FAM131B: variants seen among roughly 807,000 people sequenced by gnomAD.
The protein encoded by FAM131B is protein FAM131B.
A neutral mutation model predicts 42.0 loss-of-function variants in FAM131B; 19 were observed. That is an observed-to-expected ratio of 0.45 (90% CI 0.32 to 0.66). FAM131B has a LOEUF of 0.66. Ranked by LOEUF, FAM131B falls within the 30% of genes least tolerant of loss-of-function variation. FAM131B has a pLI of 0.05. For missense variants in FAM131B, 370 were observed against 468.4 expected (o/e 0.79, Z 1.94); for synonymous variants, 183 against 177.6 (o/e 1.03, Z -0.24).
upstream of FAM131B, chr7:143,364,018 G>A (rs2116495845): frequency 6.6e-6 from 1 of 152,328 alleles, no homozygotes; most frequent in South Asian, 2.1e-4. Flanking sequence ...TCCATCTTCG[G>A]TGTATGTGCA....
the FAM131B span, among the ~76,000 whole-genome samples, chr7:143,373,526 A>C: frequency 6.6e-6 from 1 of 152,206 alleles, no homozygotes; most frequent in African/African-American, 2.4e-5. Context: ...TCAAAGAGAT[A>C]TCTGTTCCAC....
In FAM131B at chr7:143,356,479, G is replaced by T; in HGVS notation, c.*71C>A. Reference sequence around the variant, plus strand: ...TGCCCAGTTTCAGCTGTACTGCTGGGGGGAGGGAGGGTATGGGTCACAGCC... The same window carrying T: ...TGCCCAGTTTCAGCTGTACTGCTGGTGGGAGGGAGGGTATGGGTCACAGCC... On this transcript the variant is annotated 3_prime_UTR_variant, in exon 7 of 7. Coordinates refer to ENST00000443739, the MANE Select transcript of FAM131B (RefSeq NM_001031690.3). This position sits in a 1 kb window ranked among gnomAD's most constrained non-coding sequence, Gnocchi z 4.4. 1 of 1,149,872 alleles carries T rather than the reference G, an allele frequency of 8.7e-7. No homozygotes were observed. The highest frequency in any genetic ancestry group is 1.3e-6 in the Non-Finnish European group (1 of 778,852). 71.2% of individuals were successfully genotyped at this position (1,149,872 alleles called of 1,614,324 possible).
At position 143,356,309 on chromosome 7, in the gene FAM131B, G is replaced by A. The variant is rs771671096; in HGVS notation, c.*241C>T. 5.6e-6 allele frequency: 3 copies of A among 531,514 alleles called. No individual in the cohort carries two copies. The highest frequency in any genetic ancestry group is 1.0e-5 in the Non-Finnish European group (3 of 296,890). 32.9% of individuals were successfully genotyped at this position (531,514 alleles called of 1,614,324 possible). A position where few individuals can be genotyped will look rare whatever the true frequency, so the allele number is the denominator to read the frequency against. The stretch of plus-strand genomic sequence containing the variant: ...CCCACAGCCCAGGTCCTTCTCCACA[G>A]CCACACCAAGCTCACGGCCATCTAG... On this transcript the variant is annotated 3_prime_UTR_variant, in exon 7 of 7. Coordinates refer to ENST00000443739, the MANE Select transcript of FAM131B (RefSeq NM_001031690.3). This position sits in a 1 kb window ranked among gnomAD's most constrained non-coding sequence, Gnocchi z 4.4.
chr7:143,357,082 C>T, intron 6 of FAM131B, 60 bp from the exon 7 acceptor site: 1 of 1,292,296 alleles, frequency 7.7e-7, no homozygotes, highest in Non-Finnish European at 1.1e-6. Context: ...GGAATGACAG[C>T]ACAGACAGCA....
chr7:143,372,472 T>C, the FAM131B span, among the ~76,000 whole-genome samples: 1 of 152,154 alleles, frequency 6.6e-6, no homozygotes, highest in Non-Finnish European at 1.5e-5. Context: ...TTGGAGAAAG[T>C]GTGGCTTAAA....
rs1224884091 is a variant in FAM131B, at chr7:143,359,232, G to A, written c.268+94C>T. On this transcript the variant is annotated intron_variant, in intron 4 of 6. Coordinates refer to ENST00000443739, the MANE Select transcript of FAM131B (RefSeq NM_001031690.3). This position sits in a 1 kb window ranked among gnomAD's most constrained non-coding sequence, Gnocchi z 5.4. ...TGAATAGGTCAGGGGGTGGGGATGAGGGTCTTCATCAACCTCGAAGGAGCA... is the reference window on the plus strand; with the variant it reads ...TGAATAGGTCAGGGGGTGGGGATGAAGGTCTTCATCAACCTCGAAGGAGCA... 3.6e-6 allele frequency: 4 copies of A among 1,101,424 alleles called. No homozygotes were observed. The highest frequency in any genetic ancestry group is 5.4e-6 in the Non-Finnish European group (4 of 734,294). 68.2% of individuals were successfully genotyped at this position (1,101,424 alleles called of 1,614,324 possible). A position where few individuals can be genotyped will look rare whatever the true frequency, so the allele number is the denominator to read the frequency against.
At chr7:143,365,949 A>G (rs1453586023), upstream of FAM131B, among the ~76,000 whole-genome samples, 1 of 152,100 alleles carries the variant, frequency 6.6e-6, no homozygotes, top group Non-Finnish European at 1.5e-5. Flanking sequence ...TGGGGGTCTC[A>G]CTATATTGCC....
the FAM131B span, chr7:143,381,121 G>C: frequency 1.3e-5 from 11 of 854,620 alleles, no homozygotes; most frequent in Non-Finnish European, 1.5e-5. Flanking sequence ...TGAGTGGGGT[G>C]GGGGCGAGCG....
chr7:143,374,826 CG>C, the FAM131B span, among the ~76,000 whole-genome samples: 1 of 152,196 alleles, frequency 6.6e-6, no homozygotes, highest in African/African-American at 2.4e-5. Context: ...TTCTGCTTAC[CG>C]TTCAGATCTC....
the FAM131B span, among the ~76,000 whole-genome samples, chr7:143,377,785 C>T: frequency 6.6e-6 from 1 of 152,180 alleles, no homozygotes; most frequent in Non-Finnish European, 1.5e-5. Context: ...GCGATTTTGG[C>T]TCACTGCAAC....
chr7:143,380,348 CG>C, the FAM131B span: 2 of 985,142 alleles, frequency 2.0e-6, no homozygotes. This position sits in a 1 kb window ranked among gnomAD's most constrained non-coding sequence, Gnocchi z 5.0. Context: ...CTCCACCAAG[CG>C]CAGTCTCAGA....
chr7:143,361,952 G>T, intron 1 of FAM131B: 1 of 712,532 alleles, frequency 1.4e-6, no homozygotes. Context: ...ACCCGGCCCT[G>T]GCCCTGTCCC....
the FAM131B span, chr7:143,381,127 G>C: frequency 6.7e-6 from 6 of 901,710 alleles, no homozygotes; most frequent in African/African-American, 9.0e-5. Context: ...GGGTGGGGGC[G>C]AGCGGACCTC....
chr7:143,362,482 G>A lies in FAM131B; in HGVS notation c.28+94C>T, dbSNP rs1804048493. On this transcript the variant is annotated intron_variant, in intron 1 of 6. Coordinates refer to ENST00000443739, the MANE Select transcript of FAM131B (RefSeq NM_001031690.3). This position sits in a 1 kb window ranked among gnomAD's most constrained non-coding sequence, Gnocchi z 7.7. ...TAGCAGGGCAAGGCGGGTGCGGAGC[G>A]GGGCGCCCGGAGGCGCGAGGAGAGG... 2.0e-6 allele frequency: 1 copy of A among 497,804 alleles called. No individual in the cohort carries two copies. Among genetic ancestry groups the A allele is most frequent in the South Asian group, 9.8e-5 (1 of 10,208 alleles). 30.8% of individuals were successfully genotyped at this position (497,804 alleles called of 1,614,324 possible).
In FAM131B at chr7:143,358,953, T is replaced by C; in HGVS notation, c.340A>G (p.Ile114Val). 1 of 1,614,134 alleles carries C rather than the reference T, an allele frequency of 6.2e-7. No individual in the cohort carries two copies. Among genetic ancestry groups the C allele is most frequent in the Non-Finnish European group, 8.5e-7 (1 of 1,180,036 alleles). ...GTCTTCCCCCAGCCCTGCCACTCAATCATGTGGGCCACCCGGCCTTGCCCC... is the reference window on the plus strand; with the variant it reads ...GTCTTCCCCCAGCCCTGCCACTCAACCATGTGGGCCACCCGGCCTTGCCCC... ...AMGQGRVAHMIEWQGWGKTPA... is the reference protein window; with the variant it reads ...AMGQGRVAHMVEWQGWGKTPA... The change falls in exon 5 of 7, where the codon ATT becomes GTT. Residue 114 changes from isoleucine to valine, a missense_variant. By Grantham distance (29) the Ile-to-Val change is conservative (BLOSUM62 3). Coordinates refer to ENST00000443739, the MANE Select transcript of FAM131B (RefSeq NM_001031690.3). This position sits in a 1 kb window ranked among gnomAD's most constrained non-coding sequence, Gnocchi z 4.7.
chr7:143,361,132 TGGGGCTG>T (rs1803948814), intron 1 of FAM131B: 1 of 152,164 alleles, frequency 6.6e-6, no homozygotes, highest in Non-Finnish European at 1.5e-5. Flanking sequence ...GAGCATTGAA[TGGGGCTG>T]GGCACGAGGA....
chr7:143,357,506 G>T, intron 5 of FAM131B, 83 bp from the exon 6 acceptor site: 1 of 1,181,116 alleles, frequency 8.5e-7, no homozygotes, highest in East Asian at 2.5e-5. Context: ...TCTTAGTGCA[G>T]CACTGTTCAG....
At chr7:143,360,963 T>A (rs944154959) in intron 1 of FAM131B, 1 of 152,180 alleles carries the variant, frequency 6.6e-6, no homozygotes, top group African/African-American at 2.4e-5. Flanking sequence ...GAGGGCAGGA[T>A]GGTGCCGCGG....
intron 5 of FAM131B, among the ~76,000 whole-genome samples, chr7:143,357,999 G>A (rs1399704553): frequency 1.3e-5 from 2 of 152,204 alleles, no homozygotes; most frequent in East Asian, 1.9e-4. Context: ...AGTCTAGAGA[G>A]TAGATTTCAA....
Sources: allele counts gnomAD v4.1 joint callset (sites outside exome capture counted in the v4.1 genomes callset), GRCh38; gene constraint gnomAD v4.1.1; non-coding constraint Gnocchi (gnomAD v3.1); transcripts MANE v1.5; gene names NCBI Gene and HGNC (gene_info 2026-07-23, HGNC 2026-07-21).